VPS41: variants seen among roughly 807,000 people sequenced by gnomAD.
VPS41 encodes vacuolar protein sorting-associated protein 41 homolog.
VPS41 carries 85 observed loss-of-function variants against 130.9 expected under a neutral mutation model. That is an observed-to-expected ratio of 0.65 (90% CI 0.55 to 0.78). The LOEUF (loss-of-function observed/expected upper bound fraction) is 0.78. Among genes scored for constraint, VPS41 ranks in the 30% least tolerant of loss-of-function variants. The pLI, the probability that VPS41 is intolerant of heterozygous loss-of-function variation, is 0.00. For synonymous variants in VPS41, 335 were observed against 332.9 expected, an observed-to-expected ratio of 1.01 and a Z score of -0.07; for missense variants, 874 against 1,018.7, an observed-to-expected ratio of 0.86 and a Z score of 1.93.
intron 4 of VPS41, among the ~76,000 whole-genome samples, chr7:38,862,222 T>C (rs1386147823): frequency 6.6e-6 from 1 of 152,182 alleles, no homozygotes; most frequent in Non-Finnish European, 1.5e-5. Context: ...GTATTCTAAA[T>C]GCCCGAAATT....
chr7:38,887,808 C>G (rs549754764), intron 2 of VPS41, among the ~76,000 whole-genome samples: 1 of 152,298 alleles, frequency 6.6e-6, no homozygotes, highest in Non-Finnish European at 1.5e-5. Context: ...AAAGGGAGGC[C>G]TATCAGACTG....
At chr7:38,853,146 G>A (rs1011182310) in intron 4 of VPS41, among the ~76,000 whole-genome samples, 7 of 152,172 alleles carry the variant, frequency 4.6e-5, no homozygotes, top group Non-Finnish European at 1.5e-5. Flanking sequence ...GTGGCCGGGT[G>A]CGGTGGCTCA....
chr7:38,752,395 A>G, intron 21 of VPS41, 82 bp from the exon 22 acceptor site: 1 of 1,546,390 alleles, frequency 6.5e-7, no homozygotes, highest in Non-Finnish European at 8.8e-7. Flanking sequence ...TTAGCTCTAA[A>G]CACCTCCCAT....
At chr7:38,844,982 T>A (rs1785692763) in intron 4 of VPS41, among the ~76,000 whole-genome samples, 1 of 152,202 alleles carries the variant, frequency 6.6e-6, no homozygotes, top group East Asian at 1.9e-4. Flanking sequence ...GAACGGCCTT[T>A]CCACCTACAG....
chr7:38,891,581 G>T (rs1207949416), intron 2 of VPS41, among the ~76,000 whole-genome samples: 1 of 152,136 alleles, frequency 6.6e-6, no homozygotes, highest in Non-Finnish European at 1.5e-5. Context: ...CTGCCATATT[G>T]CCTCTGTCTG....
rs543687478 is a variant in VPS41 at position 38,748,501 on chromosome 7, C to A, written c.1927-2888G>T. Among the ~76,000 whole-genome samples, 64 of 151,582 alleles carry A rather than the reference C, an allele frequency of 4.2e-4. 2 individuals are homozygous for A. The South Asian group carries it at 0.013, about 31-fold the overall frequency. On this transcript the variant is annotated intron_variant, in intron 22 of 28. Transcript: ENST00000310301. ...GAAAATCTGCAAACTTGGCATCTCT[C>A]AGCTTTATTCTTCCGAATTCAGAAA...
intron 10 of VPS41, among the ~76,000 whole-genome samples, chr7:38,779,330 C>G (rs1745673903): frequency 6.6e-6 from 1 of 152,116 alleles, no homozygotes; most frequent in South Asian, 2.1e-4. Flanking sequence ...TAAATTATGT[C>G]TTTCTTTTTG....
intron 10 of VPS41, among the ~76,000 whole-genome samples, chr7:38,782,215 G>T (rs1784366083): frequency 6.6e-6 from 1 of 152,180 alleles, no homozygotes; most frequent in South Asian, 2.1e-4. Context: ...GTTGCCAGGG[G>T]TAGCTGGGCT....
Position 38,821,235 on chromosome 7 carries a change from C to A in VPS41, c.352G>T (p.Glu118Ter). 6.2e-7 allele frequency: 1 copy of A among 1,613,832 alleles called. No individual in the cohort carries two copies. Among genetic ancestry groups the A allele is most frequent in the African/African-American group, 1.3e-5 (1 of 75,022 alleles). Residue 118 changes from glutamate (E) to a stop codon, truncating the protein, a stop_gained, in exon 6 of 29, where the codon GAA becomes TAA. Coordinates refer to ENST00000310301, the MANE Select transcript of VPS41 (RefSeq NM_014396.4). LOFTEE classifies it high-confidence loss of function. The stretch of plus-strand genomic sequence containing the variant: ...GGACAGTCAAAAGTCTCGTGAAATT[C>A]TTCTCCAGAATACAGTCCAAATACC... Reference protein sequence around the residue: ...VQVFGLYSGEEFHETFDCPIK... With the variant: ...VQVFGLYSGE
rs147940803 is a variant in VPS41 at position 38,777,739 on chromosome 7, G to A, written c.785-963C>T. On this transcript the variant is annotated intron_variant, in intron 10 of 28. Transcript: ENST00000310301. ...TTCTGTGGTATTAGCTGCAGATTTAGTTAACTTCCACACTCTTTTCCCAAT... is the reference window on the plus strand; with the variant it reads ...TTCTGTGGTATTAGCTGCAGATTTAATTAACTTCCACACTCTTTTCCCAAT... Among the ~76,000 whole-genome samples, 1,314 of 152,276 alleles carry A rather than the reference G, an allele frequency of 8.6e-3. 10 individuals carry two copies. The highest frequency in any genetic ancestry group is 0.014 in the Non-Finnish European group (949 of 68,024).
chr7:38,774,529 T>C (rs60551167), intron 11 of VPS41, among the ~76,000 whole-genome samples: 7,495 of 151,960 alleles, frequency 0.049, 629 homozygotes, highest in African/African-American at 0.17. Flanking sequence ...AATTACAAAT[T>C]GCTAAACTTT....
chr7:38,801,356 T>C (rs888589962), intron 7 of VPS41, among the ~76,000 whole-genome samples: 1 of 152,246 alleles, frequency 6.6e-6, no homozygotes, highest in Admixed American at 6.5e-5. Flanking sequence ...TTAACCTCTG[T>C]AAATGAAACA....
intron 2 of VPS41, among the ~76,000 whole-genome samples, chr7:38,890,259 G>T (rs1786831798): frequency 6.6e-6 from 1 of 152,196 alleles, no homozygotes; most frequent in South Asian, 2.1e-4. Context: ...AAGACTGGCA[G>T]AGCACCAAAA....
chr7:38,858,516 G>C (rs1200365660), intron 4 of VPS41, among the ~76,000 whole-genome samples: 2 of 152,190 alleles, frequency 1.3e-5, no homozygotes, highest in Non-Finnish European at 2.9e-5. Flanking sequence ...TCAGTAGACT[G>C]AGGAGCTTAG....
At position 38,774,613 on chromosome 7, in the gene VPS41, A is replaced by C. The variant is rs76736118; in HGVS notation, c.883-369T>G. 6.9e-4 allele frequency among the ~76,000 whole-genome samples: 105 copies of C among 152,306 alleles called. 2 individuals carry two copies. In the East Asian group the frequency reaches 0.019, roughly 28 times the overall value. On this transcript the variant is annotated intron_variant, in intron 11 of 28. Coordinates refer to ENST00000310301, the MANE Select transcript of VPS41 (RefSeq NM_014396.4). Reference sequence around the variant, plus strand: ...ACCACTGTAACAATAAAAATATCAAAATCAGAATAGCAAAATAAAAAAATA... The same window carrying C: ...ACCACTGTAACAATAAAAATATCAACATCAGAATAGCAAAATAAAAAAATA...
chr7:38,807,576 G>A (rs937753278), intron 7 of VPS41, among the ~76,000 whole-genome samples: 1 of 152,000 alleles, frequency 6.6e-6, no homozygotes, highest in Non-Finnish European at 1.5e-5. Context: ...TATGCTTTTG[G>A]AAGCCTACCA....
chr7:38,845,179 C>T (rs1398914154), intron 4 of VPS41, among the ~76,000 whole-genome samples: 2 of 152,136 alleles, frequency 1.3e-5, no homozygotes, highest in Non-Finnish European at 2.9e-5. Flanking sequence ...AAGCCTGGCT[C>T]GCACACAGCA....
intron 2 of VPS41, among the ~76,000 whole-genome samples, chr7:38,871,436 A>C (rs952278345): frequency 6.6e-6 from 1 of 152,220 alleles, no homozygotes; most frequent in Non-Finnish European, 1.5e-5. Context: ...CTAGAGACTT[A>C]ATATCAGATA....
chr7:38,821,336 C>T, intron 5 of VPS41, 71 bp from the exon 6 acceptor site: 2 of 967,248 alleles, frequency 2.1e-6, no homozygotes, highest in South Asian at 2.8e-5. Flanking sequence ...AGTATGAACA[C>T]ATACTATCAA....
Sources: allele counts gnomAD v4.1 joint callset (sites outside exome capture counted in the v4.1 genomes callset), GRCh38; gene constraint gnomAD v4.1.1; transcripts MANE v1.5; gene names NCBI Gene and HGNC (gene_info 2026-07-23, HGNC 2026-07-21).